MIR2052HG: variants seen among roughly 807,000 people sequenced by gnomAD.
MIR2052HG encodes the protein MIR2052 host gene.
intron 4 of MIR2052HG, among the ~76,000 whole-genome samples, chr8:74,723,463 G>T (rs545403727): frequency 6.6e-6 from 1 of 152,132 alleles, no homozygotes; most frequent in Admixed American, 6.5e-5. Context: ...ACCTGAATTT[G>T]GCTGGTGTTT....
intron 4 of MIR2052HG, among the ~76,000 whole-genome samples, chr8:74,730,267 C>T (rs1809678168): frequency 6.6e-6 from 1 of 152,170 alleles, no homozygotes; most frequent in Non-Finnish European, 1.5e-5. Flanking sequence ...TAATTTGATA[C>T]TACTTTTCCA....
intron 2 of MIR2052HG, among the ~76,000 whole-genome samples, chr8:74,687,574 C>A (rs1219451254): frequency 1.3e-5 from 2 of 152,054 alleles, no homozygotes; most frequent in South Asian, 4.1e-4. Context: ...TAGAATAAGC[C>A]AGGCGCAGAG....
At chr8:74,628,340 G>A (rs766744981) in intron 2 of MIR2052HG, among the ~76,000 whole-genome samples, 13 of 152,090 alleles carry the variant, frequency 8.5e-5, no homozygotes, top group Admixed American at 1.3e-4. Context: ...TAACTACCTC[G>A]AGAAATGAGA....
intron 4 of MIR2052HG, among the ~76,000 whole-genome samples, chr8:74,739,943 T>G (rs547592526): frequency 6.6e-6 from 1 of 152,172 alleles, no homozygotes; most frequent in Non-Finnish European, 1.5e-5. Context: ...TTCTAATGTT[T>G]ATACACTATT....
intron 4 of MIR2052HG, among the ~76,000 whole-genome samples, chr8:74,731,875 CAGA>C (rs772796959): frequency 1.2e-4 from 18 of 152,220 alleles, no homozygotes; most frequent in Non-Finnish European, 2.5e-4. Flanking sequence ...TGGGCCAATA[CAGA>C]AGAAGAATAA....
intron 2 of MIR2052HG, among the ~76,000 whole-genome samples, chr8:74,660,271 T>G (rs1261895807): frequency 2.6e-5 from 4 of 152,254 alleles, no homozygotes; most frequent in Non-Finnish European, 5.9e-5. Flanking sequence ...CTTTATTATT[T>G]ATTAACTCAG....
intron 1 of MIR2052HG, chr8:74,603,732 C>CG (rs35230194): frequency 2.2e-5 from 19 of 872,668 alleles, no homozygotes; most frequent in Admixed American, 1.2e-4. Flanking sequence ...TCACGCCCTT[C>CG]GGGGGGGACT....
At chr8:74,641,928 G>A (rs1021468877) in intron 2 of MIR2052HG, among the ~76,000 whole-genome samples, 1 of 152,124 alleles carries the variant, frequency 6.6e-6, no homozygotes, top group African/African-American at 2.4e-5. Flanking sequence ...TGGGGGCCTT[G>A]TGCAGATGCC....
chr8:74,702,949 A>C (rs1809372738), intron 3 of MIR2052HG, among the ~76,000 whole-genome samples: 1 of 152,156 alleles, frequency 6.6e-6, no homozygotes, highest in Admixed American at 6.6e-5. Context: ...CAAGGCCTTG[A>C]TAAATATATT....
chr8:74,669,358 A>G (rs570876036), intron 2 of MIR2052HG, among the ~76,000 whole-genome samples: 1 of 152,122 alleles, frequency 6.6e-6, no homozygotes, highest in Admixed American at 6.6e-5. Flanking sequence ...CACCATTTCT[A>G]CTGCTGTAAT....
intron 2 of MIR2052HG, among the ~76,000 whole-genome samples, chr8:74,630,035 A>T (rs1808486856): frequency 1.3e-5 from 2 of 152,206 alleles, no homozygotes; most frequent in Admixed American, 6.5e-5. Flanking sequence ...ACAGGCACAG[A>T]AAAGAGTTGT....
intron 5 of MIR2052HG, among the ~76,000 whole-genome samples, chr8:74,755,055 G>A (rs969348136): frequency 6.6e-6 from 1 of 152,180 alleles, no homozygotes. Flanking sequence ...ACCCACAGCT[G>A]AATCAGCATG....
At chr8:74,745,371 A>G (rs1290710128) in intron 4 of MIR2052HG, among the ~76,000 whole-genome samples, 2 of 152,236 alleles carry the variant, frequency 1.3e-5, no homozygotes, top group African/African-American at 4.8e-5. Context: ...GTAAATAAGC[A>G]TTGATTTATT....
At chr8:74,658,876 G>A (rs1808834021) in intron 2 of MIR2052HG, among the ~76,000 whole-genome samples, 1 of 152,090 alleles carries the variant, frequency 6.6e-6, no homozygotes, top group Non-Finnish European at 1.5e-5. Context: ...GGACAAAGTA[G>A]GCAAGTTGTT....
chr8:74,631,678 A>C (rs1808513759), intron 2 of MIR2052HG, among the ~76,000 whole-genome samples: 1 of 152,194 alleles, frequency 6.6e-6, no homozygotes, highest in Non-Finnish European at 1.5e-5. Context: ...CTATAACAAA[A>C]ATGCCTTAGA....
intron 2 of MIR2052HG, among the ~76,000 whole-genome samples, chr8:74,667,152 CA>C (rs1260587942): frequency 6.6e-6 from 1 of 152,112 alleles, no homozygotes; most frequent in Admixed American, 6.6e-5. Flanking sequence ...GTCTCCTGGT[CA>C]AAGGGGACAG....
At chr8:74,695,943 G>A (rs1012545733) in intron 2 of MIR2052HG, among the ~76,000 whole-genome samples, 4 of 151,908 alleles carry the variant, frequency 2.6e-5, no homozygotes, top group African/African-American at 9.7e-5. Flanking sequence ...AAAAAACAAT[G>A]GACTTAAACT....
chr8:74,604,278 T>C (rs1427075524), intron 1 of MIR2052HG: 2 of 788,712 alleles, frequency 2.5e-6, no homozygotes, highest in Admixed American at 1.8e-5. Context: ...GGACTTTGAG[T>C]GGTCAAGTCT....
chr8:74,744,509 T>C (rs933229010), intron 4 of MIR2052HG, among the ~76,000 whole-genome samples: 7 of 151,592 alleles, frequency 4.6e-5, no homozygotes, highest in Non-Finnish European at 7.4e-5. Context: ...CAGAGTGTGA[T>C]GTTCCCCTTC....
Sources: gnomAD v4.1 joint callset for allele counts (sites outside exome capture counted in the v4.1 genomes callset) on GRCh38, gnomAD v4.1.1 for gene constraint, MANE v1.5 for transcripts, NCBI Gene and HGNC (gene_info 2026-07-23, HGNC 2026-07-21) for gene names.